BRINP3: variants seen among roughly 807,000 people sequenced by gnomAD.
The protein encoded by BRINP3 is BMP/retinoic acid-inducible neural-specific protein 3.
Under a neutral mutation model 71.0 loss-of-function variants are expected in BRINP3, and 19 were observed. That is an observed-to-expected ratio of 0.27 (90% CI 0.19 to 0.39). The LOEUF is 0.39. Ranked by LOEUF, BRINP3 falls within the 10% of genes least tolerant of loss-of-function variation. The probability of loss-of-function intolerance (pLI) is 1.00; values close to 1 mark genes in which losing one functional copy is unlikely to be tolerated. For missense variants in BRINP3, 959 were observed against 940.8 expected, an observed-to-expected ratio of 1.02 and a Z score of -0.25; for synonymous variants, 380 against 337.7, an observed-to-expected ratio of 1.13 and a Z score of -1.37.
intron 2 of BRINP3, among the ~76,000 whole-genome samples, chr1:190,308,888 G>T (rs916796586): frequency 2.0e-5 from 3 of 151,796 alleles, no homozygotes; most frequent in African/African-American, 7.3e-5. Context: ...ATGGCAGTTT[G>T]GGGACATAAA....
chr1:190,172,117 G>T (rs960621722), intron 6 of BRINP3, among the ~76,000 whole-genome samples: 4 of 148,354 alleles, frequency 2.7e-5, no homozygotes, highest in Non-Finnish European at 5.9e-5. Flanking sequence ...AATTTAAAAA[G>T]GTCTTTCTTT....
At chr1:190,327,676 T>G (rs990593290) in intron 2 of BRINP3, among the ~76,000 whole-genome samples, 3 of 152,100 alleles carry the variant, frequency 2.0e-5, no homozygotes, top group African/African-American at 7.2e-5. Flanking sequence ...TTACAAAGAC[T>G]TACACAGCTA....
intron 6 of BRINP3, among the ~76,000 whole-genome samples, chr1:190,175,174 A>AT (rs1467056760): frequency 6.6e-6 from 1 of 152,188 alleles, no homozygotes; most frequent in African/African-American, 2.4e-5. Context: ...AATAAATGTA[A>AT]TAGCAGGTCT....
chr1:190,199,070 T>A (rs1654757808), intron 6 of BRINP3, among the ~76,000 whole-genome samples: 1 of 152,018 alleles, frequency 6.6e-6, no homozygotes, highest in Non-Finnish European at 1.5e-5. Flanking sequence ...CAAAGACACA[T>A]CTTACATGAT....
At chr1:190,434,132 A>T (rs1382112973) in intron 2 of BRINP3, among the ~76,000 whole-genome samples, 1 of 151,768 alleles carries the variant, frequency 6.6e-6, no homozygotes, top group Non-Finnish European at 1.5e-5. Flanking sequence ...TTATTTATTT[A>T]TTTTGAGATG....
chr1:190,408,628 T>C (rs965657482), intron 2 of BRINP3, among the ~76,000 whole-genome samples: 4 of 152,172 alleles, frequency 2.6e-5, no homozygotes, highest in Non-Finnish European at 5.9e-5. Context: ...GGATGGTTTG[T>C]ATACTTTTTT....
chr1:190,336,926 C>G (rs1007544804), intron 2 of BRINP3, among the ~76,000 whole-genome samples: 2 of 149,070 alleles, frequency 1.3e-5, no homozygotes, highest in Non-Finnish European at 3.0e-5. Flanking sequence ...TAGAAAGATA[C>G]CCACCAAGAA....
At chr1:190,359,414 A>G (rs764353979) in intron 2 of BRINP3, among the ~76,000 whole-genome samples, 1 of 152,068 alleles carries the variant, frequency 6.6e-6, no homozygotes, top group Non-Finnish European at 1.5e-5. Context: ...TAGAGATTAA[A>G]TCAACCATGT....
chr1:190,110,683 C>T (rs1652588902), intron 7 of BRINP3, among the ~76,000 whole-genome samples: 1 of 152,160 alleles, frequency 6.6e-6, no homozygotes, highest in South Asian at 2.1e-4. Flanking sequence ...TCTATTCAAC[C>T]AGCCTAAAAA....
intron 4 of BRINP3, among the ~76,000 whole-genome samples, chr1:190,254,373 A>T (rs1473056033): frequency 6.6e-6 from 1 of 151,490 alleles, no homozygotes; most frequent in Non-Finnish European, 1.5e-5. Context: ...CAGTATGGCC[A>T]TTTTCACGAT....
chr1:190,448,991 G>T (rs913356978), intron 2 of BRINP3, among the ~76,000 whole-genome samples: 12 of 151,742 alleles, frequency 7.9e-5, no homozygotes, highest in African/African-American at 2.9e-4. Context: ...TCCACTCTCT[G>T]CTTAATTTTT....
Position 190,160,851 on chromosome 1 carries a change from T to G in BRINP3, c.1001A>C (p.Tyr334Ser), listed in dbSNP as rs1164858429. 1.2e-6 allele frequency: 2 copies of G among 1,612,404 alleles called. No homozygotes were observed. Among genetic ancestry groups the G allele is most frequent in the Non-Finnish European group, 1.7e-6 (2 of 1,179,282 alleles). Residue 334 changes from tyrosine to serine, a missense_variant, in exon 7 of 8, where the codon TAT becomes TCT. By Grantham distance (144) the Tyr-to-Ser change is moderately radical. Transcript: ENST00000367462. The stretch of plus-strand genomic sequence containing the variant: ...CATTATAGTAGATGTGTTGAGGAAA[T>G]AATTCATAGGTAGCCTTTTCATAAA... ...KLFMKRLPMN[Y>S]FLNTSTIMHL... is the part of the protein sequence containing the mutation.
At chr1:190,259,421 A>G (rs1390525140) in intron 4 of BRINP3, among the ~76,000 whole-genome samples, 1 of 151,850 alleles carries the variant, frequency 6.6e-6, no homozygotes, top group African/African-American at 2.4e-5. Context: ...AATGCATTTG[A>G]CAAAATCAAC....
At chr1:190,387,113 C>T (rs1218486918) in intron 2 of BRINP3, among the ~76,000 whole-genome samples, 3 of 151,888 alleles carry the variant, frequency 2.0e-5, no homozygotes, top group African/African-American at 4.8e-5. Flanking sequence ...TTCTGGTTTG[C>T]ATTTGGCAGA....
At chr1:190,447,142 A>G (rs1435218722) in intron 2 of BRINP3, among the ~76,000 whole-genome samples, 2 of 151,622 alleles carry the variant, frequency 1.3e-5, no homozygotes, top group Non-Finnish European at 3.0e-5. Context: ...TAAAATGGAA[A>G]TTATTACAGC....
Position 190,100,966 on chromosome 1 carries a change from C to A in BRINP3, c.1185-1832G>T, listed in dbSNP as rs180843354. On this transcript the variant is annotated intron_variant, in intron 7 of 7. Transcript: ENST00000367462. ...CTCATGAACAGATTAATGCCCTTAT[C>A]TTGGGAGTTAGTTTCTTATAATTGG... Among the ~76,000 whole-genome samples, 641 of 152,162 alleles carry A rather than the reference C, an allele frequency of 4.2e-3. 6 individuals carry two copies. Among genetic ancestry groups the A allele is most frequent in the Middle Eastern group, 0.041 (12 of 294 alleles).
intron 2 of BRINP3, among the ~76,000 whole-genome samples, chr1:190,299,567 A>G (rs1426316522): frequency 2.1e-5 from 3 of 142,088 alleles, no homozygotes; most frequent in East Asian, 2.2e-4. Context: ...ATATCTCCCA[A>G]TGCTATCCCA....
At chr1:190,391,960 T>C (rs980644224) in intron 2 of BRINP3, among the ~76,000 whole-genome samples, 5 of 151,752 alleles carry the variant, frequency 3.3e-5, no homozygotes, top group Admixed American at 1.3e-4. Flanking sequence ...AATGTTAATG[T>C]GTGCATAACC....
intron 2 of BRINP3, among the ~76,000 whole-genome samples, chr1:190,282,673 A>T (rs1423235085): frequency 6.6e-6 from 1 of 152,024 alleles, no homozygotes; most frequent in Non-Finnish European, 1.5e-5. Flanking sequence ...ATGTGCCAGG[A>T]TCAGTGCATG....
Sources: allele counts gnomAD v4.1 joint callset (sites outside exome capture counted in the v4.1 genomes callset), GRCh38; gene constraint gnomAD v4.1.1; transcripts MANE v1.5; gene names NCBI Gene and HGNC (gene_info 2026-07-23, HGNC 2026-07-21).